The following KCNMA1 variants were observed in gnomAD, a reference collection of about 807,000 sequenced individuals.
KCNMA1 encodes the protein potassium calcium-activated channel subfamily M alpha 1.
KCNMA1 carries 29 observed loss-of-function variants against 140.0 expected under a neutral mutation model. The observed-to-expected ratio is 0.21, with a 90% CI of 0.15 to 0.28. The LOEUF is 0.28. Among genes scored for constraint, KCNMA1 ranks in the 10% least tolerant of loss-of-function variants. The pLI, the probability that KCNMA1 is intolerant of heterozygous loss-of-function variation, is 1.00. For missense variants in KCNMA1, 880 were observed against 1,602.2 expected (o/e 0.55, Z 7.70); for synonymous variants, 612 against 611.9 (o/e 1.00, Z 0.00).
chr10:77,331,069 C>G (rs1311751744), intron 2 of KCNMA1, among the ~76,000 whole-genome samples: 6 of 152,084 alleles, frequency 3.9e-5, no homozygotes, highest in African/African-American at 1.4e-4. Flanking sequence ...CACACTGGCT[C>G]CAGTCTAAGT....
chr10:76,901,733 G>A (rs1288751732), intron 25 of KCNMA1: 1 of 152,208 alleles, frequency 6.6e-6, no homozygotes, highest in Non-Finnish European at 1.5e-5. Flanking sequence ...TCATATCTCT[G>A]AGCATAATTG....
intron 23 of KCNMA1, chr10:76,939,170 G>A (rs1474066794): frequency 7.9e-6 from 1 of 126,620 alleles, no homozygotes; most frequent in African/African-American, 3.1e-5. Flanking sequence ...GCCCAGGCTG[G>A]AGTGCAGTGG....
At chr10:77,421,508 C>T (rs549868026) in intron 1 of KCNMA1, among the ~76,000 whole-genome samples, 21 of 152,302 alleles carry the variant, frequency 1.4e-4, no homozygotes, top group African/African-American at 4.6e-4. Flanking sequence ...GTCTCTGTTG[C>T]AACTATTCAG....
chr10:77,300,765 A>C (rs1247312433), intron 2 of KCNMA1, among the ~76,000 whole-genome samples: 19 of 152,160 alleles, frequency 1.2e-4, no homozygotes, highest in Non-Finnish European at 2.9e-5. Flanking sequence ...CTGGGGATGT[A>C]GGTGCCTACC....
At chr10:77,340,565 A>C (rs960243949) in intron 2 of KCNMA1, among the ~76,000 whole-genome samples, 2 of 152,120 alleles carry the variant, frequency 1.3e-5, no homozygotes, top group African/African-American at 4.8e-5. Context: ...CTTTGTAGGG[A>C]CATGGATGAA....
At chr10:77,086,649 T>C in intron 10 of KCNMA1, 56 bp from the exon 11 acceptor site, 1 of 1,195,046 alleles carries the variant, frequency 8.4e-7, no homozygotes, top group Non-Finnish European at 1.2e-6. Context: ...GGTTTCAGCC[T>C]CCATGGGCTC....
chr10:77,516,795 G>T (rs34717545), intron 1 of KCNMA1, among the ~76,000 whole-genome samples: 1 of 152,164 alleles, frequency 6.6e-6, no homozygotes, highest in Non-Finnish European at 1.5e-5. Context: ...CTAAAACGGG[G>T]GTGCCTGTGT....
At chr10:77,508,581 C>CTTTTTTTTTTTTTTTTTTTTT (rs761735012) in intron 1 of KCNMA1, among the ~76,000 whole-genome samples, 4 of 99,870 alleles carry the variant, frequency 4.0e-5, no homozygotes, top group Admixed American at 1.2e-4. Flanking sequence ...TTTTTCTTTT[C>CTTTTTTTTTTTTTTTTTTTTT]TTTTTTTTTT....
chr10:77,287,465 A>G (rs1283364132), intron 2 of KCNMA1, among the ~76,000 whole-genome samples: 3 of 152,224 alleles, frequency 2.0e-5, no homozygotes, highest in Non-Finnish European at 4.4e-5. Flanking sequence ...CTAGTCCAGA[A>G]GCTTGCTCAG....
chr10:76,906,083 G>A (rs1024761891), intron 25 of KCNMA1, among the ~76,000 whole-genome samples: 1 of 152,160 alleles, frequency 6.6e-6, no homozygotes, highest in African/African-American at 2.4e-5. Flanking sequence ...GGAGGTTAAG[G>A]TTACCCAGCC....
At chr10:76,954,976 C>T (rs945478151) in intron 20 of KCNMA1, among the ~76,000 whole-genome samples, 13 of 152,270 alleles carry the variant, frequency 8.5e-5, no homozygotes, top group South Asian at 8.3e-4. Context: ...TTCAGCACCT[C>T]GGGTTTGGGA....
chr10:77,146,288 G>GA lies in KCNMA1; in HGVS notation c.809-25241dup, dbSNP rs767873352. ...ATAAGACAGCAGCATTACCCAGTAA[G>GA]AAAAAACTGTGCCTTGGGTTCAAAT... On this transcript the variant is annotated intron_variant, in intron 5 of 27. Transcript: ENST00000286628. 5.9e-5 allele frequency among the ~76,000 whole-genome samples: 9 copies of GA among 152,272 alleles called. No individual in the cohort carries two copies. In the East Asian group the frequency reaches 1.5e-3, roughly 26 times the overall value.
Position 77,418,252 on chromosome 10 carries a change from G to A in KCNMA1, c.379-14229C>T, listed in dbSNP as rs144748503. 3.1e-3 allele frequency among the ~76,000 whole-genome samples: 465 copies of A among 152,300 alleles called. 4 individuals are homozygous for A. Among genetic ancestry groups the A allele is most frequent in the African/African-American group, 0.01 (429 of 41,572 alleles). On this transcript the variant is annotated intron_variant, in intron 1 of 27. Transcript: ENST00000286628. ...TGGGAGTTAAGGATGGCAAGCGCCT[G>A]GCCCTGCAAAGCCTCAACTCTCTAC...
intron 25 of KCNMA1, among the ~76,000 whole-genome samples, chr10:76,897,111 T>C (rs1051662025): frequency 1.3e-5 from 2 of 151,920 alleles, no homozygotes; most frequent in African/African-American, 2.4e-5. Flanking sequence ...ATAGGGATTT[T>C]TGTTTGTTTG....
At chr10:77,355,977 T>A (rs2093445315) in intron 2 of KCNMA1, among the ~76,000 whole-genome samples, 1 of 152,174 alleles carries the variant, frequency 6.6e-6, no homozygotes, top group Non-Finnish European at 1.5e-5. Context: ...TCCTACTCAC[T>A]CATCAAGACC....
intron 23 of KCNMA1, among the ~76,000 whole-genome samples, chr10:76,936,967 C>T (rs771135224): frequency 1.3e-5 from 2 of 152,170 alleles, no homozygotes; most frequent in African/African-American, 2.4e-5. Flanking sequence ...AGTTACAATG[C>T]AAATCATATA....
intron 23 of KCNMA1, among the ~76,000 whole-genome samples, chr10:76,918,710 A>G (rs1260621736): frequency 6.6e-6 from 1 of 152,156 alleles, no homozygotes; most frequent in African/African-American, 2.4e-5. Flanking sequence ...AAGTAGATCT[A>G]CCATTTTATC....
Position 76,942,669 on chromosome 10 carries a change from T to C in KCNMA1, c.2902+2104A>G, listed in dbSNP as rs1197836779. Among the ~76,000 whole-genome samples the C allele has an allele frequency of 2.0e-5, 3 of 152,210 alleles. No individual in the cohort carries two copies. In the East Asian group the frequency reaches 5.8e-4, roughly 29 times the overall value. On this transcript the variant is annotated intron_variant, in intron 23 of 27. Transcript: ENST00000286628. ...AAGAGAACTGGAAGGAACAACTATA[T>C]CAGATGTGTATGTAACTAAATTATA...
Position 76,879,119 on chromosome 10 carries a change from T to A in KCNMA1, c.3428-1229A>T, listed in dbSNP as rs150993852. 3.2e-3 allele frequency among the ~76,000 whole-genome samples: 488 copies of A among 152,174 alleles called. 4 individuals carry two copies. The highest frequency in any genetic ancestry group is 0.02 in the East Asian group (105 of 5,158). On this transcript the variant is annotated intron_variant, in intron 29 of 29. Transcript: ENST00000372403. ...GGGCGTTGGGGGTGGGGTATGTGCA[T>A]GTTTGGCTAATGATTTATAAATTAT...
Sources: allele counts gnomAD v4.1 joint callset (sites outside exome capture counted in the v4.1 genomes callset), GRCh38; gene constraint gnomAD v4.1.1; transcripts MANE v1.5; gene names NCBI Gene and HGNC (gene_info 2026-07-23, HGNC 2026-07-21).